CCDC180: variants seen among roughly 807,000 people sequenced by gnomAD.
The protein encoded by CCDC180 is coiled-coil domain-containing protein 180.
In CCDC180, 154 loss-of-function variants were observed where a neutral mutation model predicts 209.2. The ratio of observed to expected loss-of-function variants is 0.74; its 90% CI spans 0.65 to 0.84. The LOEUF (loss-of-function observed/expected upper bound fraction) is 0.84. CCDC180 is among the 40% of genes least tolerant of loss of function. The probability of loss-of-function intolerance (pLI) is 0.00; values close to 1 mark genes in which losing one functional copy is unlikely to be tolerated. For synonymous variants in CCDC180, 778 were observed against 749.1 expected, an observed-to-expected ratio of 1.04 and a Z score of -0.63; for missense variants, 1,874 against 1,997.3, an observed-to-expected ratio of 0.94 and a Z score of 1.18.
At chr9:97,340,223 T>G (rs1826035917) in intron 18 of CCDC180, among the ~76,000 whole-genome samples, 1 of 152,202 alleles carries the variant, frequency 6.6e-6, no homozygotes, top group African/African-American at 2.4e-5. Context: ...GCTGTGATCC[T>G]TTGGAGGAGA....
intron 22 of CCDC180, 54 bp downstream of exon 22, chr9:97,350,609 T>A: frequency 6.6e-7 from 1 of 1,508,744 alleles, no homozygotes; most frequent in Non-Finnish European, 8.9e-7. Context: ...TCTATTGGGA[T>A]GTGGTCTTGT....
intron 20 of CCDC180, among the ~76,000 whole-genome samples, chr9:97,347,904 G>T (rs1397460724): frequency 6.6e-6 from 1 of 152,100 alleles, no homozygotes; most frequent in African/African-American, 2.4e-5. Context: ...CAGCTTACCT[G>T]ACCTCTCTGA....
At chr9:97,328,430 C>A (rs1361985498) in intron 16 of CCDC180, among the ~76,000 whole-genome samples, 6 of 152,158 alleles carry the variant, frequency 3.9e-5, no homozygotes, top group African/African-American at 1.2e-4. Flanking sequence ...CTACCACTGC[C>A]ACATAATTCT....
intron 18 of CCDC180, among the ~76,000 whole-genome samples, chr9:97,339,887 T>C (rs1461060884): frequency 6.6e-6 from 1 of 152,312 alleles, no homozygotes; most frequent in South Asian, 2.1e-4. Context: ...AAACTTCTCT[T>C]CTTGCTTCAT....
rs753921985 is a variant in CCDC180, at chr9:97,314,556, C to G, written c.588+35C>G. ...CCTTCGTGGCTGGGCCTGCCCCACC[C>G]AGGTCCTGCTTCTTCCCTGCCTCCC... is the stretch of plus-strand genomic sequence containing the variant. On this transcript the variant is annotated intron_variant, in intron 6 of 36. Coordinates refer to ENST00000529487, the MANE Select transcript of CCDC180 (RefSeq NM_020893.6). 12 of 1,613,584 alleles carry G rather than the reference C, an allele frequency of 7.4e-6. No homozygotes were observed. In the Admixed American group the frequency reaches 1.0e-4, roughly 13 times the overall value.
At chr9:97,323,745 C>T (rs1440024802) in intron 12 of CCDC180, 36 bp from the exon 13 acceptor site, 3 of 1,540,896 alleles carry the variant, frequency 1.9e-6, no homozygotes, top group Admixed American at 3.9e-5. Context: ...GGACCTCAGT[C>T]CTAAGCCAGG....
intron 18 of CCDC180, among the ~76,000 whole-genome samples, chr9:97,331,432 A>T (rs1220981646): frequency 6.6e-6 from 1 of 152,186 alleles, no homozygotes; most frequent in African/African-American, 2.4e-5. Context: ...CTTTGGGTAT[A>T]TACACAATAA....
intron 8 of CCDC180, among the ~76,000 whole-genome samples, chr9:97,315,770 G>A (rs1285318854): frequency 2.0e-5 from 3 of 152,182 alleles, no homozygotes. Context: ...CAGGCAAGGA[G>A]TGAGCACAGG....
chr9:97,328,279 G>T, intron 16 of CCDC180, 133 bp downstream of exon 16: 1 of 1,009,276 alleles, frequency 9.9e-7, no homozygotes, highest in Non-Finnish European at 1.4e-6. Context: ...CAAGAAGAAA[G>T]AAGCTGAAAG....
At chr9:97,350,622 C>A in intron 22 of CCDC180, 67 bp downstream of exon 22, 1 of 1,472,748 alleles carries the variant, frequency 6.8e-7, no homozygotes, top group South Asian at 1.3e-5. Context: ...GGTCTTGTTT[C>A]CCCCTTAATT....
At chr9:97,374,412 C>A (rs564714639) in intron 34 of CCDC180, 131 bp from the exon 35 acceptor site, 5 of 673,320 alleles carry the variant, frequency 7.4e-6, no homozygotes, top group Non-Finnish European at 1.3e-5. Flanking sequence ...ATGGAGAGGG[C>A]TCAGCCTGCC....
intron 27 of CCDC180, 106 bp from the exon 28 acceptor site, chr9:97,362,090 C>A: frequency 6.8e-7 from 1 of 1,476,250 alleles, no homozygotes; most frequent in Non-Finnish European, 9.2e-7. Context: ...CGTGACAGGA[C>A]TGACTGACGT....
intron 8 of CCDC180, among the ~76,000 whole-genome samples, chr9:97,315,575 G>T (rs1833143351): frequency 6.6e-6 from 1 of 152,180 alleles, no homozygotes; most frequent in Non-Finnish European, 1.5e-5. Flanking sequence ...TAACTCCTCT[G>T]CTGCTAGAGA....
chr9:97,359,299 C>A (rs1049511204), intron 25 of CCDC180, among the ~76,000 whole-genome samples: 1 of 152,362 alleles, frequency 6.6e-6, no homozygotes, highest in Admixed American at 6.5e-5. Context: ...GCTCTGTCCT[C>A]TCCTGTTAGG....
intron 18 of CCDC180, among the ~76,000 whole-genome samples, chr9:97,335,354 G>A (rs1041102977): frequency 3.3e-5 from 5 of 151,988 alleles, no homozygotes; most frequent in African/African-American, 1.2e-4. Context: ...ACAGGCCTTG[G>A]TGTGTGATGT....
At chr9:97,315,326 C>T (rs1480773827) in intron 8 of CCDC180, among the ~76,000 whole-genome samples, 1 of 152,258 alleles carries the variant, frequency 6.6e-6, no homozygotes, top group African/African-American at 2.4e-5. Flanking sequence ...ACGGTGGTCT[C>T]AGGGTGGTTT....
At chr9:97,353,204 C>A (rs1391597606) in intron 22 of CCDC180, among the ~76,000 whole-genome samples, 2 of 152,086 alleles carry the variant, frequency 1.3e-5, no homozygotes. Flanking sequence ...ACCATAGTGG[C>A]CAGGCTGGTC....
At chr9:97,316,904 C>G (rs1244238009) in intron 8 of CCDC180, among the ~76,000 whole-genome samples, 161 bp from the exon 9 acceptor site, 3 of 152,064 alleles carry the variant, frequency 2.0e-5, no homozygotes, top group African/African-American at 7.2e-5. Context: ...CATCGAGTGC[C>G]CACTGACCCC....
Position 97,350,525 on chromosome 9 carries a change from A to G in CCDC180, c.2972A>G (p.Tyr991Cys). The G allele has an allele frequency of 1.3e-6, 2 of 1,536,380 alleles. No individual in the cohort carries two copies. The highest frequency in any genetic ancestry group is 1.7e-6 in the Non-Finnish European group (2 of 1,146,998). Residue 991 changes from tyrosine to cysteine, a missense_variant, in exon 22 of 37, where the codon TAC becomes TGC. Tyr to Cys is a radical substitution (Grantham distance 194, BLOSUM62 -2). Transcript: ENST00000529487. ...GAGGAGAGTCTGGGCAAACTCCGCT[A>G]CTCAAATATTGAGTTCATCAAACAC... ...YLEESLGKLR[Y>C]SNIEFIKHCR...
Sources: gnomAD v4.1 joint callset for allele counts (sites outside exome capture counted in the v4.1 genomes callset) on GRCh38, gnomAD v4.1.1 for gene constraint, MANE v1.5 for transcripts, NCBI Gene and HGNC (gene_info 2026-07-23, HGNC 2026-07-21) for gene names.